SIN3A: variants seen among roughly 807,000 people sequenced by gnomAD.
SIN3A encodes the protein paired amphipathic helix protein Sin3a.
SIN3A carries 14 observed loss-of-function variants against 146.1 expected under a neutral mutation model. That is an observed-to-expected ratio of 0.10 (90% CI 0.06 to 0.15). The LOEUF is 0.15. Among genes scored for constraint, SIN3A ranks in the 10% least tolerant of loss-of-function variants. The pLI is 1.00. For missense variants in SIN3A, 1,028 were observed against 1,576.0 expected (o/e 0.65, Z 5.89); for synonymous variants, 572 against 572.0 (o/e 1.00, Z 0.00).
chr15:75,371,846 G>C lies in SIN3A; in HGVS notation c.*133C>G, dbSNP rs144550283. The C allele has an allele frequency of 4.8e-4, 360 of 743,598 alleles. No homozygotes were observed. In the African/African-American group the frequency reaches 5.8e-3, roughly 12 times the overall value. 46.1% of individuals were successfully genotyped at this position (743,598 alleles called of 1,614,324 possible). On this transcript the variant is annotated 3_prime_UTR_variant, in exon 21 of 21. Transcript: ENST00000394947. ...TGCCAGGCTGCACCAGCCACACACA[G>C]GTCAGGTGGCCATGTCCCAGAGAGG...
In SIN3A at chr15:75,392,472, T is replaced by C. The variant is rs149535136; in HGVS notation, c.2621A>G (p.Gln874Arg). The change falls in exon 15 of 21, where the codon CAA (glutamine) becomes CGA (arginine). Residue 874 changes from glutamine (Q) to arginine (R), a missense_variant. Gln to Arg is a conservative substitution (Grantham distance 43). Around this residue, in one of 9 missense-constraint regions of SIN3A, gnomAD observed 488 missense variants for 690.2 expected, o/e 0.71. Transcript: ENST00000394947. Reference protein sequence around the residue: ...SKLLFSNTAAQKLRGMDEVYN... With the variant: ...SKLLFSNTAARKLRGMDEVYN... ...TACTTCATCCATTCCTCTTAATTTT[T>C]GAGCTGCTGTGTTACTAAACAGTAA... 5.6e-6 allele frequency: 9 copies of C among 1,613,684 alleles called. No homozygotes were observed. The highest frequency in any genetic ancestry group is 7.6e-6 in the Non-Finnish European group (9 of 1,179,662).
intron 9 of SIN3A, among the ~76,000 whole-genome samples, chr15:75,406,273 T>C (rs980938134): frequency 4.6e-5 from 7 of 152,222 alleles, no homozygotes; most frequent in Non-Finnish European, 8.8e-5. Flanking sequence ...TTTATGCCAA[T>C]AATCTCAACT....
intron 15 of SIN3A, among the ~76,000 whole-genome samples, chr15:75,390,083 G>A (rs1381030594): frequency 1.3e-5 from 2 of 152,108 alleles, no homozygotes; most frequent in African/African-American, 4.8e-5. Context: ...CTTCTTTATG[G>A]TACTGCTGGG....
intron 9 of SIN3A, among the ~76,000 whole-genome samples, chr15:75,406,459 G>A (rs1163140675): frequency 2.6e-5 from 4 of 152,148 alleles, no homozygotes; most frequent in East Asian, 1.9e-4. Context: ...AGGCCGAGGC[G>A]GGCGGATCAC....
At chr15:75,446,312 G>C (rs563314421) in intron 1 of SIN3A, 4 of 149,930 alleles carry the variant, frequency 2.7e-5, no homozygotes, top group African/African-American at 9.8e-5. Flanking sequence ...TAGGCAGAGG[G>C]GACAGCAACC....
At chr15:75,415,458 G>T in intron 3 of SIN3A, 1 of 195,866 alleles carries the variant, frequency 5.1e-6, no homozygotes. Context: ...AAAGCCTGAA[G>T]GGGATGCTAA....
At chr15:75,453,461 A>G (rs2074440582), upstream of SIN3A, 1 of 152,390 alleles carries the variant, frequency 6.6e-6, no homozygotes, top group African/African-American at 2.4e-5. Flanking sequence ...GCCTTCCACC[A>G]CTAGACTGAG....
chr15:75,404,991 T>A (rs1389655703), intron 9 of SIN3A, among the ~76,000 whole-genome samples: 1 of 151,106 alleles, frequency 6.6e-6, no homozygotes, highest in Non-Finnish European at 1.5e-5. Flanking sequence ...AAAAAAATTT[T>A]AAAAATTAGC....
chr15:75,438,427 T>A (rs1435508550), intron 1 of SIN3A, among the ~76,000 whole-genome samples: 1 of 152,088 alleles, frequency 6.6e-6, no homozygotes, highest in Non-Finnish European at 1.5e-5. Flanking sequence ...CTCACATTTG[T>A]AATCCTAGCA....
chr15:75,445,066 T>C (rs1013687264), intron 1 of SIN3A, among the ~76,000 whole-genome samples: 5 of 151,124 alleles, frequency 3.3e-5, no homozygotes, highest in African/African-American at 1.2e-4. Context: ...CTCTATTTAA[T>C]ATAAGAAATA....
intron 14 of SIN3A, among the ~76,000 whole-genome samples, chr15:75,393,643 G>A (rs2073250348): frequency 6.6e-6 from 1 of 152,108 alleles, no homozygotes; most frequent in Non-Finnish European, 1.5e-5. Context: ...CCAAAGTGAT[G>A]GGATTACAGG....
At chr15:75,395,247 C>T (rs1391893286) in intron 13 of SIN3A, among the ~76,000 whole-genome samples, 3 of 152,260 alleles carry the variant, frequency 2.0e-5, no homozygotes, top group African/African-American at 7.2e-5. Flanking sequence ...AGAGAACTTG[C>T]ACAGTTATGT....
intron 1 of SIN3A, among the ~76,000 whole-genome samples, chr15:75,442,141 A>AC (rs1411340049): frequency 6.7e-6 from 1 of 149,072 alleles, no homozygotes; most frequent in Non-Finnish European, 1.5e-5. Context: ...AAAAAAAAAA[A>AC]AAAAAAAAAA....
At position 75,380,738 on chromosome 15, in the gene SIN3A, A is replaced by C. The variant is rs1358594255; in HGVS notation, c.3289-15T>G. On this transcript the variant is annotated splice_polypyrimidine_tract_variant and intron_variant, in intron 18 of 20. Coordinates refer to ENST00000394947, the MANE Select transcript of SIN3A (RefSeq NM_001145358.2). ...TCTGACCAGCGCTAAGATGGCAAACACAAAATACAGGTGGAAGGAAATCAC... is the reference window on the plus strand; with the variant it reads ...TCTGACCAGCGCTAAGATGGCAAACCCAAAATACAGGTGGAAGGAAATCAC... 6.3e-7 allele frequency: 1 copy of C among 1,595,334 alleles called. No homozygotes were observed. The highest frequency in any genetic ancestry group is 8.6e-7 in the Non-Finnish European group (1 of 1,163,144).
intron 4 of SIN3A, 135 bp downstream of exon 4, chr15:75,414,069 TA>T: frequency 2.4e-6 from 1 of 413,960 alleles, no homozygotes; most frequent in Non-Finnish European, 4.2e-6. Flanking sequence ...AAGGTATGCA[TA>T]AAATAAAGGC....
At chr15:75,425,165 C>T (rs938939599) in intron 2 of SIN3A, among the ~76,000 whole-genome samples, 1 of 152,016 alleles carries the variant, frequency 6.6e-6, no homozygotes, top group Non-Finnish European at 1.5e-5. Context: ...TTAAAGATGA[C>T]TCTTACTTTG....
At chr15:75,412,478 A>G (rs1202684265) in intron 5 of SIN3A, among the ~76,000 whole-genome samples, 1 of 152,240 alleles carries the variant, frequency 6.6e-6, no homozygotes. Context: ...GTCAACTACT[A>G]CTACACAAAG....
intron 1 of SIN3A, among the ~76,000 whole-genome samples, chr15:75,433,979 A>G: frequency 6.6e-6 from 1 of 152,208 alleles, no homozygotes; most frequent in Admixed American, 6.5e-5. Flanking sequence ...GAATGAGGAA[A>G]CTGAAAAACA....
chr15:75,435,057 C>T (rs566934785), intron 1 of SIN3A, among the ~76,000 whole-genome samples: 33 of 151,778 alleles, frequency 2.2e-4, no homozygotes, highest in African/African-American at 8.0e-4. Flanking sequence ...TTGGTACAGC[C>T]TATTTAGCTG....
Sources: allele counts gnomAD v4.1 joint callset (sites outside exome capture counted in the v4.1 genomes callset), GRCh38; gene constraint gnomAD v4.1.1; regional missense constraint gnomAD v4.1.1; transcripts MANE v1.5; gene names NCBI Gene and HGNC (gene_info 2026-07-23, HGNC 2026-07-21).